The following RUFY4 variants were observed in gnomAD, a reference collection of about 807,000 sequenced individuals.
The protein encoded by RUFY4 is RUN and FYVE domain-containing protein 4.
In RUFY4, 73 loss-of-function variants were observed where a neutral mutation model predicts 69.0. The ratio of observed to expected loss-of-function variants is 1.06; its 90% CI spans 0.88 to 1.29. RUFY4 has a LOEUF of 1.29. Among genes scored for constraint, RUFY4 ranks in the 50% most tolerant of loss-of-function variants. RUFY4 has a pLI of 0.00. For missense variants in RUFY4, 770 were observed against 705.6 expected (o/e 1.09, Z -1.03); for synonymous variants, 287 against 271.8 (o/e 1.06, Z -0.55).
Position 218,089,826 on chromosome 2 carries a change from A to C in RUFY4, c.1614-126A>C, listed in dbSNP as rs935398578. 3.9e-6 allele frequency: 3 copies of C among 764,456 alleles called. No individual in the cohort carries two copies. The African/African-American group carries it at 5.2e-5, about 13-fold the overall frequency. 47.4% of individuals were successfully genotyped at this position (764,456 alleles called of 1,614,324 possible). On this transcript the variant is annotated intron_variant, in intron 10 of 10. Coordinates refer to ENST00000344321, the Ensembl canonical transcript of RUFY4. The stretch of plus-strand genomic sequence containing the variant: ...TCCTGAGACAAACCAAGGGCATTCC[A>C]CTGGGAGATGAGAAACAGATGTCTC...
At chr2:218,051,670 GGTTTTGTAAAGGGA>G (rs140701693) in intron 2 of RUFY4, among the ~76,000 whole-genome samples, 2,951 of 151,836 alleles carry the variant, frequency 0.019, 102 homozygotes, top group African/African-American at 0.068. Context: ...TATGAAGGAT[GGTTTTGTAAAGGGA>G]GTTTTGTGTG....
At chr2:218,066,522 A>T (rs1465450972), upstream of RUFY4, among the ~76,000 whole-genome samples, 7 of 152,060 alleles carry the variant, frequency 4.6e-5, no homozygotes. Flanking sequence ...TTTCCAATTC[A>T]TTTTGTGATT....
chr2:218,051,727 C>T (rs370564227), intron 2 of RUFY4, among the ~76,000 whole-genome samples: 8 of 152,058 alleles, frequency 5.3e-5, no homozygotes, highest in Non-Finnish European at 7.4e-5. Context: ...AAACATGTTT[C>T]TAAGTTTTCT....
intron 2 of RUFY4, among the ~76,000 whole-genome samples, chr2:218,036,780 C>T (rs1289938488): frequency 6.6e-6 from 1 of 152,244 alleles, no homozygotes; most frequent in Non-Finnish European, 1.5e-5. Flanking sequence ...AGCGTGAAGT[C>T]ATCAACTTCT....
intron 10 of RUFY4, among the ~76,000 whole-genome samples, 159 bp downstream of exon 12, chr2:218,089,521 C>T (rs2106079545): frequency 6.6e-6 from 1 of 152,348 alleles, no homozygotes; most frequent in African/African-American, 2.4e-5. Flanking sequence ...GCTTCCAACA[C>T]TAAGCAGAGC....
At chr2:218,063,621 C>T (rs1031047619) in intron 3 of RUFY4, among the ~76,000 whole-genome samples, 1 of 152,156 alleles carries the variant, frequency 6.6e-6, no homozygotes, top group Non-Finnish European at 1.5e-5. Flanking sequence ...AGGCAAGGGG[C>T]AGAGTGGGCC....
At chr2:218,090,299 T>C (rs952567336) in exon 11 of RUFY4, 53 of 344,722 alleles carry the variant, frequency 1.5e-4, no homozygotes, top group Non-Finnish European at 2.5e-4. Flanking sequence ...TCTTCTCTAA[T>C]GTTAAGAGTT....
chr2:218,045,972 T>C (rs963542536), intron 2 of RUFY4, among the ~76,000 whole-genome samples: 1 of 151,930 alleles, frequency 6.6e-6, no homozygotes, highest in East Asian at 1.9e-4. Context: ...GCCCGGCTAA[T>C]TTTTTTTGTA....
intron 2 of RUFY4, among the ~76,000 whole-genome samples, chr2:218,049,495 T>C (rs945656155): frequency 6.3e-5 from 8 of 126,068 alleles, no homozygotes; most frequent in Admixed American, 8.7e-5. Context: ...CTTCTTTTTT[T>C]CTTGCTGTTT....
At chr2:218,089,293 C>T in exon 10 of RUFY4, 1 of 1,613,936 alleles carries the variant, frequency 6.2e-7, no homozygotes, top group Non-Finnish European at 8.5e-7. Flanking sequence ...CATCTCTCTT[C>T]CATGGCTCCC....
At chr2:218,080,201 C>A (rs1689729136) in intron 8 of RUFY4, among the ~76,000 whole-genome samples, 2 of 152,226 alleles carry the variant, frequency 1.3e-5, no homozygotes. Context: ...CACCGGAATT[C>A]TCTGTGCTAC....
intron 2 of RUFY4, among the ~76,000 whole-genome samples, chr2:218,054,008 T>A (rs1019479704): frequency 3.9e-5 from 6 of 152,258 alleles, no homozygotes; most frequent in Non-Finnish European, 8.8e-5. Flanking sequence ...GTCTAAAGAT[T>A]ATATGAAATT....
At position 218,089,795 on chromosome 2, in the gene RUFY4, G is replaced by C. The variant is rs1483047163; in HGVS notation, c.1614-157G>C. 11 of 718,020 alleles carry C rather than the reference G, an allele frequency of 1.5e-5. No individual in the cohort carries two copies. In the East Asian group the frequency reaches 2.9e-4, roughly 19 times the overall value. 44.5% of individuals were successfully genotyped at this position (718,020 alleles called of 1,614,324 possible). A position where few individuals can be genotyped will look rare whatever the true frequency, so the allele number is the denominator to read the frequency against. ...CATCAGGACACCCTTCAGGAGAGGGGAGACCTCCTGAGACAAACCAAGGGC... is the reference window on the plus strand; with the variant it reads ...CATCAGGACACCCTTCAGGAGAGGGCAGACCTCCTGAGACAAACCAAGGGC... On this transcript the variant is annotated intron_variant, in intron 10 of 10. Coordinates refer to ENST00000344321, the Ensembl canonical transcript of RUFY4.
chr2:218,058,244 C>A (rs1387844540), intron 2 of RUFY4, among the ~76,000 whole-genome samples: 1 of 152,220 alleles, frequency 6.6e-6, no homozygotes, highest in East Asian at 1.9e-4. Context: ...TTCTTCTGAT[C>A]ACTTTCTCCT....
intron 10 of RUFY4, 106 bp from the exon 13 acceptor site, chr2:218,089,846 T>C (rs1218104413): frequency 1.9e-5 from 15 of 797,366 alleles, no homozygotes; most frequent in Non-Finnish European, 3.1e-5. Context: ...GAGAAACAGA[T>C]GTCTCAGGTG....
chr2:218,039,810 A>G (rs933671460), intron 2 of RUFY4, among the ~76,000 whole-genome samples: 2 of 152,230 alleles, frequency 1.3e-5, no homozygotes, highest in African/African-American at 2.4e-5. Context: ...TCAACTGGTC[A>G]TTGGCACTGG....
At chr2:218,044,856 G>A (rs1489881828) in intron 2 of RUFY4, among the ~76,000 whole-genome samples, 2 of 152,162 alleles carry the variant, frequency 1.3e-5, no homozygotes, top group African/African-American at 4.8e-5. Context: ...GGGAATTTAG[G>A]TTGATTCTAT....
intron 2 of RUFY4, among the ~76,000 whole-genome samples, chr2:218,047,042 A>T (rs1225715157): frequency 2.8e-5 from 2 of 71,744 alleles, no homozygotes. Context: ...CATTGTGGTT[A>T]AAAAAAAAAA....
At chr2:218,079,650 A>G (rs1689715642) in intron 8 of RUFY4, among the ~76,000 whole-genome samples, 1 of 152,162 alleles carries the variant, frequency 6.6e-6, no homozygotes, top group Admixed American at 6.5e-5. Flanking sequence ...CCTGAGGCTC[A>G]GAAGAGGATG....
Sources: gnomAD v4.1 joint callset for allele counts (sites outside exome capture counted in the v4.1 genomes callset) on GRCh38, gnomAD v4.1.1 for gene constraint, MANE v1.5 for transcripts, NCBI Gene and HGNC (gene_info 2026-07-23, HGNC 2026-07-21) for gene names.